Variants in FBF1 observed in about 807,000 individuals in gnomAD.
FBF1 encodes the protein Fas binding factor 1.
A neutral mutation model predicts 147.2 loss-of-function variants in FBF1; 119 were observed. The ratio of observed to expected loss-of-function variants is 0.81; its 90% confidence interval spans 0.70 to 0.94. FBF1 has a LOEUF of 0.94. Among genes scored for constraint, FBF1 ranks in the 40% least tolerant of loss-of-function variants. The pLI is 0.00. For missense variants in FBF1, 1,449 were observed against 1,500.8 expected, an observed-to-expected ratio of 0.97 and a Z score of 0.57; for synonymous variants, 601 against 609.0, an observed-to-expected ratio of 0.99 and a Z score of 0.19.
Position 75,925,542 on chromosome 17 carries a change from G to T in FBF1, c.869-96C>A. 1 of 1,073,438 alleles carries T rather than the reference G, an allele frequency of 9.3e-7. No homozygotes were observed. Among genetic ancestry groups the T allele is most frequent in the Non-Finnish European group, 1.4e-6 (1 of 731,124 alleles). The allele number at this position is 1,073,438 out of a possible 1,614,324, so 66.5% of individuals were successfully genotyped here. ...TAACAAAAGCTGAATTTGGTAGCTT[G>T]TTGTGTAAGACAAGCAGAGGGAAGC... On this transcript the variant is annotated intron_variant, in intron 12 of 29. Transcript: ENST00000636174. This position sits in a 1 kb window ranked among gnomAD's most constrained non-coding sequence, Gnocchi z 5.0.
chr17:75,928,882 G>A lies in FBF1; in HGVS notation c.280-689C>T, dbSNP rs955396056. On this transcript the variant is annotated intron_variant, in intron 7 of 29. Transcript: ENST00000636174. This position sits in a 1 kb window ranked among gnomAD's most constrained non-coding sequence, Gnocchi z 4.2. ...ACTCTGTCACCCAGGCTGGAGTGAA[G>A]TGGTGCGATCATAGCTCATTGCAGC... is the stretch of plus-strand genomic sequence containing the variant. Among the ~76,000 whole-genome samples the A allele has an allele frequency of 6.6e-6, 1 of 152,144 alleles. No individual in the cohort carries two copies. Among genetic ancestry groups the A allele is most frequent in the African/African-American group, 2.4e-5 (1 of 41,432 alleles).
intron 17 of FBF1, among the ~76,000 whole-genome samples, chr17:75,920,843 G>T (rs993179054): frequency 1.4e-5 from 2 of 142,720 alleles, no homozygotes; most frequent in East Asian, 4.0e-4. Context: ...GGGGGGGGGG[G>T]GCACACCTCC....
chr17:75,932,044 C>A lies in FBF1; in HGVS notation c.168-755G>T, dbSNP rs78286035. ...AGAGGATAGAAGCCAGGACTGCTGA[C>A]CTTTTGTGCAGTTCTCTTTAACTTC... On this transcript the variant is annotated intron_variant, in intron 5 of 29. Coordinates refer to ENST00000636174, the MANE Select transcript of FBF1 (RefSeq NM_001319193.2). Among the ~76,000 whole-genome samples, 1,484 of 152,292 alleles carry A rather than the reference C, an allele frequency of 9.7e-3. 31 individuals are homozygous for A. The highest frequency in any genetic ancestry group is 0.033 in the African/African-American group (1,376 of 41,548).
intron 1 of FBF1, chr17:75,940,457 T>C (rs1044988056): frequency 6.6e-6 from 1 of 152,218 alleles, no homozygotes; most frequent in Non-Finnish European, 1.5e-5. Flanking sequence ...GGTCTCCCTA[T>C]GTTGCCCAGG....
intron 1 of FBF1, among the ~76,000 whole-genome samples, chr17:75,938,555 C>CAAAAAA (rs34602242): frequency 1.7e-5 from 1 of 58,862 alleles, no homozygotes. Context: ...GACTCCATCT[C>CAAAAAA]AAAAAAAAAA....
chr17:75,915,586 T>C (rs537160164), intron 23 of FBF1, among the ~76,000 whole-genome samples: 7 of 152,264 alleles, frequency 4.6e-5, no homozygotes, highest in East Asian at 1.9e-4. Flanking sequence ...AGTTACCAAA[T>C]GAAGAGGCGA....
rs761182510 is a variant in FBF1, at chr17:75,922,112, G to T, written c.1425-66C>A. 7.2e-7 allele frequency: 1 copy of T among 1,391,298 alleles called. No individual in the cohort carries two copies. The highest frequency in any genetic ancestry group is 1.4e-5 in the African/African-American group (1 of 69,920). The allele number at this position is 1,391,298 out of a possible 1,614,324, so 86.2% of individuals were successfully genotyped here. On this transcript the variant is annotated intron_variant, in intron 14 of 29. Coordinates refer to ENST00000636174, the MANE Select transcript of FBF1 (RefSeq NM_001319193.2). This position sits in a 1 kb window ranked among gnomAD's most constrained non-coding sequence, Gnocchi z 5.0. The stretch of plus-strand genomic sequence containing the variant: ...CCAGGTCAGGCTGGATGAAGACAGG[G>T]CCCAGGACGGGCTTCACACGTGAAG...
rs746931716 is a variant in FBF1, at chr17:75,919,797, G to A, written c.2009C>T (p.Ala670Val). ...RLRRENEELSARYLSQCQEAE... is the reference protein window; with the variant it reads ...RLRRENEELSVRYLSQCQEAE... ...CTCCTGGCACTGCGACAGATACCGA[G>A]CTGACAGCTCTTCGTTCTCTCTCCG... The change falls in exon 20 of 30, where the codon GCT becomes GTT. Residue 670 changes from alanine (A) to valine (V), a missense_variant. Coordinates refer to ENST00000636174, the MANE Select transcript of FBF1 (RefSeq NM_001319193.2). This position sits in a 1 kb window ranked among gnomAD's most constrained non-coding sequence, Gnocchi z 5.0. The A allele has an allele frequency of 5.0e-6, 8 of 1,613,654 alleles. No homozygotes were observed. The highest frequency in any genetic ancestry group is 1.3e-5 in the African/African-American group (1 of 74,928).
chr17:75,938,067 T>C, intron 2 of FBF1, 80 bp downstream of exon 2: 1 of 1,588,322 alleles, frequency 6.3e-7, no homozygotes, highest in Non-Finnish European at 8.6e-7. Context: ...CCCAGAGTGT[T>C]GCATGCAGTC....
chr17:75,927,529 C>A lies in FBF1; in HGVS notation c.401G>T (p.Gly134Val), dbSNP rs776525104. 4 of 1,599,670 alleles carry A rather than the reference C, an allele frequency of 2.5e-6. No individual in the cohort carries two copies. The highest frequency in any genetic ancestry group is 1.3e-5 in the African/African-American group (1 of 74,690). ...AAGTGACTTCTTGGTGGGAATGGCA[C>A]CCCCTGCAGGAAGCAGAAGACAAGG... Reference protein sequence around the residue: ...ELPNHPKPAGGAIPTKKSLPS... With the variant: ...ELPNHPKPAGVAIPTKKSLPS... Residue 134 changes from glycine (G) to valine (V), a missense_variant, in exon 9 of 30, where the codon GGT (glycine) becomes GTT (valine). Transcript: ENST00000636174.
chr17:75,930,596 C>T lies in FBF1; in HGVS notation c.229-549G>A, dbSNP rs543545619. ...CCAATGTGGTGAAACCCCGTCTCTA[C>T]TAAAAATACAAAATTACCTACTAAA... On this transcript the variant is annotated intron_variant, in intron 6 of 29. Transcript: ENST00000636174. Among the ~76,000 whole-genome samples the T allele has an allele frequency of 1.6e-3, 237 of 152,244 alleles. 1 individual carries two copies. In the Middle Eastern group the frequency reaches 0.02, roughly 13 times the overall value.
chr17:75,925,363 G>A lies in FBF1; in HGVS notation c.952C>T (p.Arg318Cys), dbSNP rs770631844. ...CCCACTTACCTGACAGACTGCCGGC[G>A]GGACTGCCGGCCCTCAGAGGAGACC... ...TVVSSEGRQS[R>C]RQSVSRFFAD... The change falls in exon 13 of 30, where the codon CGC becomes TGC. Residue 318 changes from arginine to cysteine, a missense_variant. Transcript: ENST00000636174. The surrounding 1 kb of genome is among the most constrained non-coding windows in gnomAD (Gnocchi z 5.0). 1.3e-5 allele frequency: 21 copies of A among 1,612,994 alleles called. No homozygotes were observed. The highest frequency in any genetic ancestry group is 1.6e-4 in the Middle Eastern group (1 of 6,068).
chr17:75,914,151 G>C lies in FBF1; in HGVS notation c.2962C>G (p.Arg988Gly). The C allele has an allele frequency of 6.2e-7, 1 of 1,602,256 alleles. No homozygotes were observed. The highest frequency in any genetic ancestry group is 8.5e-7 in the Non-Finnish European group (1 of 1,176,870). ...CTCATGCTCTCCACCTCCTCGGCGC[G>C]GAGCTTGACACGCAGGGCGGTGGCG... ...INATALRVKL[R>G]AEEVESMSKV... Residue 988 changes from arginine (R) to glycine (G), a missense_variant, in exon 26 of 30, where the codon CGC becomes GGC. Physicochemically the swap from Arg to Gly is moderately radical, Grantham distance 125. Coordinates refer to ENST00000636174, the MANE Select transcript of FBF1 (RefSeq NM_001319193.2).
At chr17:75,912,161 A>G in intron 29 of FBF1, 31 bp downstream of exon 29, 1 of 1,574,424 alleles carries the variant, frequency 6.4e-7, no homozygotes, top group Non-Finnish European at 8.6e-7. Context: ...ACTCGTGAAC[A>G]CAAGGATCCC....
chr17:75,917,822 C>G lies in FBF1; in HGVS notation c.2415G>C (p.Gln805His). The G allele has an allele frequency of 6.2e-7, 1 of 1,607,086 alleles. No individual in the cohort carries two copies. Reference protein sequence around the residue: ...RALQERLGQQQRDMEEERSRQ... With the variant: ...RALQERLGQQHRDMEEERSRQ... Reference sequence around the variant, plus strand: ...GGCTCCGCTCCTCCTCCATGTCCCGCTGCTGCTGGCCCAGCCGCTCCTGCA... The same window carrying G: ...GGCTCCGCTCCTCCTCCATGTCCCGGTGCTGCTGGCCCAGCCGCTCCTGCA... The change falls in exon 23 of 30, where the codon CAG becomes CAC. Residue 805 changes from glutamine (Q) to histidine (H), a missense_variant. Coordinates refer to ENST00000636174, the MANE Select transcript of FBF1 (RefSeq NM_001319193.2).
chr17:75,931,008 T>A (rs1225035336), intron 6 of FBF1, among the ~76,000 whole-genome samples: 5 of 151,820 alleles, frequency 3.3e-5, no homozygotes, highest in Admixed American at 6.6e-5. Context: ...GGCAGGAGAA[T>A]TGCTTGACCC....
intron 23 of FBF1, 21 bp from the exon 24 acceptor site, chr17:75,915,160 C>T (rs1361421370): frequency 6.2e-7 from 1 of 1,601,860 alleles, no homozygotes; most frequent in African/African-American, 1.3e-5. Context: ...CAGGGCAGGA[C>T]TGAGAGCGTG....
At position 75,928,260 on chromosome 17, in the gene FBF1, G is replaced by T; in HGVS notation, c.280-67C>A. On this transcript the variant is annotated intron_variant, in intron 7 of 29. Transcript: ENST00000636174. The surrounding 1 kb of genome is among the most constrained non-coding windows in gnomAD (Gnocchi z 4.2). ...AGGGGCTGAGGACTTCCACCTGAGA[G>T]AGATGGGCTGTTGGCACCCCAGGTG... 2 of 1,311,310 alleles carry T rather than the reference G, an allele frequency of 1.5e-6. No homozygotes were observed. Among genetic ancestry groups the T allele is most frequent in the Non-Finnish European group, 1.1e-6 (1 of 913,996 alleles). 81.2% of individuals were successfully genotyped at this position (1,311,310 alleles called of 1,614,324 possible).
chr17:75,934,773 G>A (rs1030968707), intron 4 of FBF1, among the ~76,000 whole-genome samples: 10 of 151,478 alleles, frequency 6.6e-5, no homozygotes, highest in Admixed American at 4.6e-4. Context: ...CAGCTACTCA[G>A]GAGGCTGAGG....
Sources: gnomAD v4.1 joint callset for allele counts (sites outside exome capture counted in the v4.1 genomes callset) on GRCh38, gnomAD v4.1.1 for gene constraint, Gnocchi (gnomAD v3.1) non-coding constraint, MANE v1.5 for transcripts, NCBI Gene and HGNC (gene_info 2026-07-23, HGNC 2026-07-21) for gene names.